The following DPP6 variants were observed in gnomAD, a reference collection of about 807,000 sequenced individuals.
DPP6 encodes the protein A-type potassium channel modulatory protein DPP6.
A neutral mutation model predicts 122.6 loss-of-function variants in DPP6; 69 were observed. That is an observed-to-expected ratio of 0.56 (90% CI 0.46 to 0.69). The LOEUF (loss-of-function observed/expected upper bound fraction) is 0.69. DPP6 is among the 30% of genes least tolerant of loss of function. DPP6 has a pLI of 0.00. For missense variants in DPP6, 928 were observed against 1,116.9 expected, an observed-to-expected ratio of 0.83 and a Z score of 2.41; for synonymous variants, 418 against 433.1, an observed-to-expected ratio of 0.97 and a Z score of 0.43.
chr7:154,584,520 A>G (rs1832303654), intron 5 of DPP6, among the ~76,000 whole-genome samples: 2 of 152,194 alleles, frequency 1.3e-5, no homozygotes, highest in Admixed American at 6.5e-5. Flanking sequence ...CCATTGCAAA[A>G]TGGACCGTCC....
intron 5 of DPP6, among the ~76,000 whole-genome samples, chr7:154,592,152 AC>A (rs1253872953): frequency 1.3e-5 from 2 of 152,016 alleles, no homozygotes; most frequent in East Asian, 3.9e-4. Flanking sequence ...CTGTTATCCC[AC>A]CTCTGGATCA....
At chr7:154,872,485 C>A in intron 18 of DPP6, 139 bp from the exon 19 acceptor site, 1 of 1,362,876 alleles carries the variant, frequency 7.3e-7, no homozygotes, top group South Asian at 1.5e-5. Context: ...GGATGAAAAC[C>A]CTGGGCCAGT....
At chr7:154,126,109 G>A (rs895165414) in intron 1 of DPP6, among the ~76,000 whole-genome samples, 2 of 152,198 alleles carry the variant, frequency 1.3e-5, no homozygotes, top group Admixed American at 1.3e-4. Context: ...TATTCATGGT[G>A]TAGGGATCTT....
At chr7:154,301,786 CTTTTTTTTTTTTTTTTT>C (rs869114137) in intron 1 of DPP6, among the ~76,000 whole-genome samples, 1 of 119,810 alleles carries the variant, frequency 8.3e-6, no homozygotes, top group East Asian at 2.5e-4. Context: ...GATCTGCCCT[CTTTTTTTTTTTTTTTTT>C]TTTTTTTTTT....
intron 1 of DPP6, among the ~76,000 whole-genome samples, chr7:154,441,618 C>T (rs192490648): frequency 2.7e-4 from 41 of 152,234 alleles, no homozygotes; most frequent in South Asian, 2.3e-3. Context: ...CAAGATGAGA[C>T]GTGTCAGATT....
intron 1 of DPP6, among the ~76,000 whole-genome samples, chr7:153,961,385 CAG>C (rs1795345033): frequency 6.6e-6 from 1 of 151,196 alleles, no homozygotes; most frequent in Non-Finnish European, 1.5e-5. Context: ...TCTGTGTAGG[CAG>C]AGTGGGCAGA....
intron 1 of DPP6, among the ~76,000 whole-genome samples, chr7:154,341,644 A>G (rs1016792109): frequency 6.6e-6 from 1 of 151,636 alleles, no homozygotes; most frequent in African/African-American, 2.4e-5. Flanking sequence ...TGTAATAATA[A>G]TCCTATTATT....
intron 1 of DPP6, among the ~76,000 whole-genome samples, chr7:153,957,002 A>G (rs1802491883): frequency 6.6e-6 from 1 of 151,784 alleles, no homozygotes; most frequent in Middle Eastern, 3.4e-3. Context: ...TCTGACTAAT[A>G]ATAAGTTATA....
At chr7:153,930,052 A>C (rs1266282456) in intron 1 of DPP6, among the ~76,000 whole-genome samples, 1 of 152,176 alleles carries the variant, frequency 6.6e-6, no homozygotes, top group Non-Finnish European at 1.5e-5. Context: ...TTTTCTGAAA[A>C]GTTTGGAAAA....
intron 1 of DPP6, among the ~76,000 whole-genome samples, chr7:154,271,770 C>T (rs143883210): frequency 1.6e-4 from 24 of 152,306 alleles, no homozygotes; most frequent in African/African-American, 5.5e-4. Context: ...GGGACACAAA[C>T]ATTCTTGTCT....
exon 1 of DPP6, chr7:153,887,561 T>C: frequency 1.7e-6 from 2 of 1,157,238 alleles, no homozygotes; most frequent in South Asian, 2.7e-5. Flanking sequence ...GAAGATTTTT[T>C]TTTCCTTCAA....
chr7:154,618,269 T>A lies in DPP6; in HGVS notation c.628-19552T>A, dbSNP rs1208329608. Among the ~76,000 whole-genome samples the A allele has an allele frequency of 1.3e-5, 2 of 152,254 alleles. No individual in the cohort carries two copies. The highest frequency in any genetic ancestry group is 4.1e-4 in the South Asian group (2 of 4,826). On this transcript the variant is annotated intron_variant, in intron 5 of 25. Transcript: ENST00000377770. This position sits in a 1 kb window ranked among gnomAD's most constrained non-coding sequence, Gnocchi z 4.1. ...TAATGGGTTTCCAGGGTCGTGTCCT[T>A]TCCCAACCCCTGAGGAAGCTCAGCA...
intron 3 of DPP6, among the ~76,000 whole-genome samples, chr7:154,525,031 C>T (rs1554577965): frequency 6.6e-6 from 1 of 152,038 alleles, no homozygotes; most frequent in African/African-American, 2.4e-5. Context: ...GCTTCTAGCC[C>T]GTTTTCATGG....
At chr7:154,281,027 T>TTTATTTA (rs1363633873) in intron 1 of DPP6, among the ~76,000 whole-genome samples, 24 of 86,024 alleles carry the variant, frequency 2.8e-4, no homozygotes, top group Non-Finnish European at 5.2e-4. Flanking sequence ...TTATTTATTT[T>TTTATTTA]TTGGAGACAG....
In DPP6 at chr7:154,191,561, C is replaced by T. The variant is rs113824525; in HGVS notation, c.243+138498C>T. ...TACCCTTTAGCTGAAGCATCTAGGC[C>T]AAGGATGTGTGTGCTCAGTGCATAG... On this transcript the variant is annotated intron_variant, in intron 1 of 25. Coordinates refer to ENST00000377770, the MANE Select transcript of DPP6 (RefSeq NM_130797.4). Among the ~76,000 whole-genome samples the T allele has an allele frequency of 2.9e-3, 446 of 152,202 alleles. 3 individuals are homozygous for T. The highest frequency in any genetic ancestry group is 8.2e-3 in the African/African-American group (340 of 41,508).
At chr7:154,470,030 G>T (rs1822127341) in intron 2 of DPP6, among the ~76,000 whole-genome samples, 1 of 152,216 alleles carries the variant, frequency 6.6e-6, no homozygotes, top group Non-Finnish European at 1.5e-5. Context: ...TTTGTGAAGT[G>T]TTGGTAAGGA....
chr7:154,157,185 C>T (rs1164190522), intron 1 of DPP6, among the ~76,000 whole-genome samples: 1 of 152,284 alleles, frequency 6.6e-6, no homozygotes, highest in African/African-American at 2.4e-5. Flanking sequence ...TTGTATCTCA[C>T]ATATGTGACA....
intron 4 of DPP6, among the ~76,000 whole-genome samples, chr7:154,566,588 G>A (rs748462594): frequency 1.2e-4 from 18 of 151,958 alleles, no homozygotes; most frequent in Non-Finnish European, 2.2e-4. Flanking sequence ...AGTGCACCCA[G>A]CCTTTAATGC....
intron 1 of DPP6, among the ~76,000 whole-genome samples, chr7:154,154,017 T>C (rs138668076): frequency 0.014 from 2,177 of 152,316 alleles, 29 homozygotes; most frequent in African/African-American, 0.049. Context: ...AGCCCAAGCA[T>C]GTGAAACATA....
Sources: gnomAD v4.1 joint callset for allele counts (sites outside exome capture counted in the v4.1 genomes callset) on GRCh38, gnomAD v4.1.1 for gene constraint, Gnocchi (gnomAD v3.1) non-coding constraint, MANE v1.5 for transcripts, NCBI Gene and HGNC (gene_info 2026-07-23, HGNC 2026-07-21) for gene names.